Variants in CHCHD3 observed in about 807,000 individuals in gnomAD.
CHCHD3 encodes coiled-coil-helix-coiled-coil-helix domain containing 3.
A neutral mutation model predicts 38.2 loss-of-function variants in CHCHD3; 20 were observed. That is an observed-to-expected ratio of 0.52 (90% CI 0.37 to 0.76). CHCHD3 has a LOEUF of 0.76. Ranked by LOEUF, CHCHD3 falls within the 30% of genes least tolerant of loss-of-function variation. CHCHD3 has a pLI of 0.00. For missense variants in CHCHD3, 245 were observed against 279.2 expected, an observed-to-expected ratio of 0.88 and a Z score of 0.87; for synonymous variants, 82 against 100.0, an observed-to-expected ratio of 0.82 and a Z score of 1.07.
intron 5 of CHCHD3, among the ~76,000 whole-genome samples, chr7:132,868,471 G>A (rs951924255): frequency 1.6e-4 from 24 of 152,060 alleles, no homozygotes; most frequent in African/African-American, 5.3e-4. Context: ...TAACACAGCC[G>A]TCTGTGAAGG....
At chr7:132,900,500 T>C (rs1809639864) in intron 4 of CHCHD3, among the ~76,000 whole-genome samples, 1 of 152,128 alleles carries the variant, frequency 6.6e-6, no homozygotes, top group South Asian at 2.1e-4. Context: ...GTTGAACTTA[T>C]ACAAGATTCA....
At chr7:132,819,873 T>G (rs1807300329) in intron 6 of CHCHD3, among the ~76,000 whole-genome samples, 1 of 152,112 alleles carries the variant, frequency 6.6e-6, no homozygotes, top group Non-Finnish European at 1.5e-5. Context: ...AAAGCGTGAG[T>G]GCGGAAGGCC....
At position 132,939,680 on chromosome 7, in the gene CHCHD3, C is replaced by T. The variant is rs760027542; in HGVS notation, c.369+35489G>A. The stretch of plus-strand genomic sequence containing the variant: ...AACATTAAGGAGTCCTTTGAACAAA[C>T]GAAAATTTGGAAAGGAAGAATGAAG... On this transcript the variant is annotated intron_variant, in intron 4 of 7. Transcript: ENST00000262570. Among the ~76,000 whole-genome samples the T allele has an allele frequency of 1.1e-4, 16 of 151,980 alleles. No individual in the cohort carries two copies. In the South Asian group the frequency reaches 2.3e-3, roughly 22 times the overall value.
intron 4 of CHCHD3, among the ~76,000 whole-genome samples, chr7:132,919,730 AGCAAAGAT>A (rs1012060903): frequency 1.1e-4 from 17 of 152,170 alleles, no homozygotes; most frequent in African/African-American, 4.1e-4. Flanking sequence ...CTACTGGATG[AGCAAAGAT>A]GTCTTGTCTT....
At chr7:132,901,231 GA>G (rs1438030174) in intron 4 of CHCHD3, among the ~76,000 whole-genome samples, 5 of 152,180 alleles carry the variant, frequency 3.3e-5, no homozygotes, top group Non-Finnish European at 7.3e-5. Context: ...TAAGTTAAGA[GA>G]TAAGATCTTG....
chr7:132,922,560 CTT>C (rs34127740), intron 4 of CHCHD3, among the ~76,000 whole-genome samples: 28 of 147,004 alleles, frequency 1.9e-4, no homozygotes, highest in South Asian at 6.5e-4. Context: ...CCTCTCTATA[CTT>C]TTTTTTTTTT....
chr7:132,804,170 GA>G (rs1388633278), intron 6 of CHCHD3, among the ~76,000 whole-genome samples: 18 of 152,020 alleles, frequency 1.2e-4, no homozygotes, highest in Non-Finnish European at 1.5e-5. Context: ...GACTTAATGA[GA>G]AAACTGAAGG....
At chr7:132,891,895 G>A (rs1160108441) in intron 4 of CHCHD3, among the ~76,000 whole-genome samples, 4 of 152,196 alleles carry the variant, frequency 2.6e-5, no homozygotes, top group Admixed American at 1.3e-4. Flanking sequence ...GGCTTGCCGT[G>A]TGAAGAAGGT....
intron 2 of CHCHD3, among the ~76,000 whole-genome samples, chr7:133,038,572 C>A (rs140446720): frequency 1.3e-5 from 2 of 152,256 alleles, no homozygotes; most frequent in East Asian, 1.9e-4. Context: ...ATTGATAACA[C>A]CAATCATCCT....
chr7:132,978,244 A>G (rs1811823634), intron 3 of CHCHD3, among the ~76,000 whole-genome samples: 2 of 152,156 alleles, frequency 1.3e-5, no homozygotes, highest in Admixed American at 1.3e-4. Context: ...GAAGAAGACA[A>G]TCTCCAAATT....
intron 3 of CHCHD3, among the ~76,000 whole-genome samples, chr7:133,009,537 C>A (rs201285299): frequency 1.8e-4 from 24 of 135,992 alleles, no homozygotes; most frequent in South Asian, 2.5e-4. Flanking sequence ...CAGGTTACGA[C>A]AAAAAAAAAA....
At chr7:132,854,739 C>A (rs1489663480) in intron 5 of CHCHD3, among the ~76,000 whole-genome samples, 2 of 152,084 alleles carry the variant, frequency 1.3e-5, no homozygotes, top group African/African-American at 4.8e-5. Flanking sequence ...AGAGTAAGGT[C>A]CTAGGACCTG....
intron 6 of CHCHD3, among the ~76,000 whole-genome samples, chr7:132,833,042 T>C (rs1301617689): frequency 2.0e-5 from 3 of 152,226 alleles, no homozygotes; most frequent in African/African-American, 7.2e-5. Flanking sequence ...TCAAATGCAG[T>C]ATTTATTACT....
intron 4 of CHCHD3, among the ~76,000 whole-genome samples, chr7:132,912,581 G>A (rs999025883): frequency 2.0e-5 from 3 of 151,938 alleles, no homozygotes; most frequent in Non-Finnish European, 4.4e-5. Flanking sequence ...TTGAGACAAA[G>A]TCTCACTCTG....
intron 4 of CHCHD3, among the ~76,000 whole-genome samples, chr7:132,916,320 T>C (rs1001377098): frequency 1.3e-5 from 2 of 152,224 alleles, no homozygotes; most frequent in African/African-American, 4.8e-5. Context: ...TACAAACTGA[T>C]ATAAATGAAA....
chr7:132,981,378 T>C (rs143836659), intron 3 of CHCHD3, among the ~76,000 whole-genome samples: 15 of 152,330 alleles, frequency 9.8e-5, no homozygotes, highest in Admixed American at 2.0e-4. Flanking sequence ...GTGATCTGAC[T>C]TCCAAAGTCA....
intron 2 of CHCHD3, among the ~76,000 whole-genome samples, chr7:133,031,009 G>C (rs570107398): frequency 6.6e-6 from 1 of 152,052 alleles, no homozygotes; most frequent in African/African-American, 2.4e-5. Flanking sequence ...CTAGTCCAAG[G>C]GTCTTCTTTA....
intron 5 of CHCHD3, among the ~76,000 whole-genome samples, chr7:132,839,828 A>T (rs575269531): frequency 2.8e-4 from 43 of 152,328 alleles, no homozygotes; most frequent in Non-Finnish European, 5.0e-4. Flanking sequence ...GAGATGATGA[A>T]TGGCTTTCTA....
chr7:133,069,404 T>C (rs1814757307), intron 2 of CHCHD3, among the ~76,000 whole-genome samples: 1 of 152,178 alleles, frequency 6.6e-6, no homozygotes, highest in Non-Finnish European at 1.5e-5. Context: ...TTTCCCCCTT[T>C]CTAATAAGTA....
Sources: gnomAD v4.1 joint callset for allele counts (sites outside exome capture counted in the v4.1 genomes callset) on GRCh38, gnomAD v4.1.1 for gene constraint, MANE v1.5 for transcripts, NCBI Gene and HGNC (gene_info 2026-07-23, HGNC 2026-07-21) for gene names.